The following SV2C variants were observed in gnomAD, a reference collection of about 807,000 sequenced individuals.
SV2C encodes the protein solute carrier family 22 member B3.
A neutral mutation model predicts 79.7 loss-of-function variants in SV2C; 49 were observed. The ratio of observed to expected loss-of-function variants is 0.61; its 90% CI spans 0.49 to 0.78. SV2C has a LOEUF of 0.78. SV2C is among the 30% of genes least tolerant of loss of function. The pLI is 0.00. For synonymous variants in SV2C, 334 were observed against 333.2 expected (o/e 1.00, Z -0.03); for missense variants, 833 against 912.9 (o/e 0.91, Z 1.13).
chr5:75,977,637 G>A, the SV2C span, among the ~76,000 whole-genome samples: 2 of 152,128 alleles, frequency 1.3e-5, no homozygotes, highest in African/African-American at 4.8e-5. Context: ...ACCCATAGCG[G>A]GCTGAAAGGG....
chr5:76,029,710 G>C, the SV2C span, among the ~76,000 whole-genome samples: 5 of 152,264 alleles, frequency 3.3e-5, no homozygotes, highest in East Asian at 3.9e-4. Context: ...TCAGGGACAA[G>C]TAAACAAATA....
At chr5:76,270,749 GATTT>G (rs779230446) in intron 4 of SV2C, among the ~76,000 whole-genome samples, 36 of 151,616 alleles carry the variant, frequency 2.4e-4, no homozygotes, top group Non-Finnish European at 4.4e-4. Flanking sequence ...TAATCCCTAT[GATTT>G]ATTTATTTAT....
At chr5:75,940,245 T>C in the SV2C span, among the ~76,000 whole-genome samples, 10 of 152,144 alleles carry the variant, frequency 6.6e-5, no homozygotes, top group African/African-American at 1.2e-4. Flanking sequence ...TCACCTGTAG[T>C]CCGGGCTACT....
chr5:76,180,079 A>G (rs1743672699), intron 2 of SV2C, among the ~76,000 whole-genome samples: 1 of 152,198 alleles, frequency 6.6e-6, no homozygotes, highest in Non-Finnish European at 1.5e-5. Context: ...GCCATACACA[A>G]TCATGTTCCC....
chr5:75,901,503 G>T, the SV2C span, among the ~76,000 whole-genome samples: 1 of 152,336 alleles, frequency 6.6e-6, no homozygotes, highest in Non-Finnish European at 1.5e-5. Flanking sequence ...CTACTGGGGG[G>T]TGCCTCCCCA....
chr5:76,320,147 G>A (rs77173035), intron 12 of SV2C, among the ~76,000 whole-genome samples: 3,420 of 147,606 alleles, frequency 0.023, 128 homozygotes, highest in African/African-American at 0.08. Flanking sequence ...GCCTCGTCTC[G>A]TCTTCCTTTT....
the SV2C span, among the ~76,000 whole-genome samples, chr5:75,859,236 G>A: frequency 6.7e-4 from 102 of 152,156 alleles, no homozygotes; most frequent in African/African-American, 2.0e-3. Flanking sequence ...ATATTGCATC[G>A]ATGAAGTCAT....
chr5:76,183,860 C>A (rs1263496292), intron 2 of SV2C, among the ~76,000 whole-genome samples: 8 of 152,158 alleles, frequency 5.3e-5, no homozygotes, highest in Admixed American at 2.6e-4. Context: ...CCAGTACAAC[C>A]ATCACCCTGT....
chr5:75,923,285 T>G, the SV2C span, among the ~76,000 whole-genome samples: 1 of 152,182 alleles, frequency 6.6e-6, no homozygotes, highest in Non-Finnish European at 1.5e-5. Context: ...GATCAAAGAC[T>G]TAGTTAAATC....
intron 2 of SV2C, among the ~76,000 whole-genome samples, chr5:76,186,454 G>A (rs1743920021): frequency 1.3e-5 from 2 of 152,300 alleles, no homozygotes; most frequent in South Asian, 2.1e-4. Flanking sequence ...TACTTGAGGA[G>A]GCCAAGGCAG....
the SV2C span, among the ~76,000 whole-genome samples, chr5:75,877,228 C>A: frequency 6.6e-6 from 1 of 151,950 alleles, no homozygotes; most frequent in Non-Finnish European, 1.5e-5. Context: ...TAAAGGTCAT[C>A]CATCAGCAAT....
chr5:76,216,287 C>T (rs1744907179), intron 4 of SV2C, among the ~76,000 whole-genome samples: 1 of 152,188 alleles, frequency 6.6e-6, no homozygotes, highest in African/African-American at 2.4e-5. Context: ...ATGGACCTCA[C>T]CCAATGCTGA....
intron 2 of SV2C, among the ~76,000 whole-genome samples, chr5:76,175,865 G>T (rs1291048351): frequency 6.6e-6 from 1 of 152,144 alleles, no homozygotes; most frequent in African/African-American, 2.4e-5. Flanking sequence ...CATGAGTCCA[G>T]CCCTGTCAGA....
the SV2C span, among the ~76,000 whole-genome samples, chr5:75,858,149 A>G: frequency 6.6e-6 from 1 of 152,202 alleles, no homozygotes; most frequent in Non-Finnish European, 1.5e-5. Context: ...ACGGTGAATA[A>G]CAGTGGCGGA....
At chr5:76,259,952 A>T (rs1746409092) in intron 4 of SV2C, among the ~76,000 whole-genome samples, 1 of 152,126 alleles carries the variant, frequency 6.6e-6, no homozygotes, top group Admixed American at 6.6e-5. Context: ...AATCCTTTGG[A>T]TATATACCCA....
chr5:76,089,990 A>G (rs777126818), intron 1 of SV2C, among the ~76,000 whole-genome samples: 2 of 152,242 alleles, frequency 1.3e-5, no homozygotes, highest in Non-Finnish European at 2.9e-5. Context: ...GTATCTTGTA[A>G]AATGAGAGGA....
At chr5:76,214,785 T>C (rs1744867835) in intron 4 of SV2C, among the ~76,000 whole-genome samples, 1 of 152,228 alleles carries the variant, frequency 6.6e-6, no homozygotes, top group Admixed American at 6.5e-5. Flanking sequence ...GATGCTATTG[T>C]AAGTAGGATT....
At chr5:75,853,543 G>A in the SV2C span, among the ~76,000 whole-genome samples, 2 of 107,838 alleles carry the variant, frequency 1.9e-5, no homozygotes, top group East Asian at 3.0e-4. Flanking sequence ...GCAGCACAGC[G>A]AGACTCCTTC....
At chr5:76,064,298 T>C in the SV2C span, among the ~76,000 whole-genome samples, 1 of 152,112 alleles carries the variant, frequency 6.6e-6, no homozygotes, top group Non-Finnish European at 1.5e-5. Context: ...ACCACAGAGC[T>C]CAGGCCCTGG....
Sources: gnomAD v4.1 joint callset for allele counts (sites outside exome capture counted in the v4.1 genomes callset) on GRCh38, gnomAD v4.1.1 for gene constraint, MANE v1.5 for transcripts, NCBI Gene and HGNC (gene_info 2026-07-23, HGNC 2026-07-21) for gene names.